Variants in MAPK8 observed in about 807,000 individuals in gnomAD.
The protein encoded by MAPK8 is mitogen-activated protein kinase 8.
In MAPK8, 13 loss-of-function variants were observed where a neutral mutation model predicts 52.9. The observed-to-expected ratio is 0.25, with a 90% CI of 0.16 to 0.39. MAPK8 has a LOEUF of 0.39. Among genes scored for constraint, MAPK8 ranks in the 10% least tolerant of loss-of-function variants. The probability of loss-of-function intolerance (pLI) is 1.00; values close to 1 mark genes in which losing one functional copy is unlikely to be tolerated. For missense variants in MAPK8, 300 were observed against 519.2 expected (o/e 0.58, Z 4.10); for synonymous variants, 191 against 169.8 (o/e 1.12, Z -0.97).
intron 1 of MAPK8, among the ~76,000 whole-genome samples, chr10:48,341,373 T>C (rs1358174577): frequency 3.3e-5 from 5 of 152,204 alleles, no homozygotes; most frequent in Non-Finnish European, 7.4e-5. Context: ...ATCTGAAATC[T>C]GAAATGCTCC....
rs1418351949 is a variant in MAPK8 at position 48,372,774 on chromosome 10, A to G, written c.-49-28838A>G. On this transcript the variant is annotated intron_variant, in intron 1 of 11. Coordinates refer to ENST00000374189, the MANE Select transcript of MAPK8 (RefSeq NM_001323329.2). ...CGTTTGATTGGTGTACCTGAAAGTG[A>G]CCGGGAGAATGGAACCAAGTTGGAA... Among the ~76,000 whole-genome samples, 6 of 152,210 alleles carry G rather than the reference A, an allele frequency of 3.9e-5. No individual in the cohort carries two copies. In the East Asian group the frequency reaches 1.2e-3, roughly 29 times the overall value.
intron 1 of MAPK8, among the ~76,000 whole-genome samples, chr10:48,375,076 G>T (rs879166789): frequency 2.0e-5 from 3 of 152,110 alleles, no homozygotes; most frequent in African/African-American, 7.2e-5. Context: ...ATGCGAGGCT[G>T]GTTCAACATA....
chr10:48,342,501 C>T (rs1845390853), intron 1 of MAPK8, among the ~76,000 whole-genome samples: 1 of 152,104 alleles, frequency 6.6e-6, no homozygotes, highest in African/African-American at 2.4e-5. Flanking sequence ...AATCAGTGAG[C>T]AGATTTTAAA....
chr10:48,397,911 T>C (rs1397560525), intron 1 of MAPK8, among the ~76,000 whole-genome samples: 1 of 152,164 alleles, frequency 6.6e-6, no homozygotes, highest in Non-Finnish European at 1.5e-5. Flanking sequence ...AGTATTCTGA[T>C]TGTAGTGGAG....
At chr10:48,368,288 A>G (rs995681456) in intron 1 of MAPK8, among the ~76,000 whole-genome samples, 1 of 152,214 alleles carries the variant, frequency 6.6e-6, no homozygotes, top group African/African-American at 2.4e-5. Context: ...AGGGTAATAC[A>G]TGTGCTGCCA....
intron 1 of MAPK8, among the ~76,000 whole-genome samples, chr10:48,379,937 T>A (rs1156403686): frequency 1.3e-5 from 1 of 78,476 alleles, no homozygotes; most frequent in South Asian, 3.8e-4. Flanking sequence ...AACAAAGCTC[T>A]TAAAAAAAAA....
intron 1 of MAPK8, among the ~76,000 whole-genome samples, chr10:48,340,424 C>T (rs74667118): frequency 6.6e-6 from 1 of 152,100 alleles, no homozygotes; most frequent in East Asian, 1.9e-4. Context: ...TTGAAAACCT[C>T]CCTCCTGGGT....
chr10:48,377,424 T>G (rs527379071), intron 1 of MAPK8, among the ~76,000 whole-genome samples: 1 of 152,284 alleles, frequency 6.6e-6, no homozygotes, highest in South Asian at 2.1e-4. Context: ...AGATATCCAC[T>G]CCCTCACTGC....
chr10:48,372,759 G>A (rs987618448), intron 1 of MAPK8, among the ~76,000 whole-genome samples: 1 of 152,102 alleles, frequency 6.6e-6, no homozygotes. Flanking sequence ...CGTTTGATTG[G>A]TGTACCTGAA....
At chr10:48,339,891 A>G (rs1224848147) in intron 1 of MAPK8, among the ~76,000 whole-genome samples, 1 of 152,172 alleles carries the variant, frequency 6.6e-6, no homozygotes, top group Non-Finnish European at 1.5e-5. Context: ...ATTAAAAAGT[A>G]ATAAAATAAG....
intron 1 of MAPK8, among the ~76,000 whole-genome samples, chr10:48,312,149 G>A (rs1352051141): frequency 6.6e-6 from 1 of 152,198 alleles, no homozygotes; most frequent in Non-Finnish European, 1.5e-5. Context: ...ACCTGAGAAA[G>A]CAAGATATCT....
chr10:48,402,105 G>T (rs1256111627), intron 2 of MAPK8, among the ~76,000 whole-genome samples: 2 of 152,112 alleles, frequency 1.3e-5, no homozygotes, highest in Non-Finnish European at 2.9e-5. Context: ...CATCATGTCA[G>T]TGCCCCCAAA....
rs144409420 is a variant in MAPK8 at position 48,346,148 on chromosome 10, G to A, written c.-50+39327G>A. ...GTGGGCGGCAAGCCACCCAGGCACC[G>A]AGGCAAGAGACAGGGGACACGAGCT... On this transcript the variant is annotated intron_variant, in intron 1 of 11. Coordinates refer to ENST00000374189, the MANE Select transcript of MAPK8 (RefSeq NM_001323329.2). Among the ~76,000 whole-genome samples the A allele has an allele frequency of 5.5e-3, 838 of 152,240 alleles. 6 individuals carry two copies. Among genetic ancestry groups the A allele is most frequent in the African/African-American group, 0.019 (773 of 41,548 alleles).
Position 48,435,225 on chromosome 10 carries a change from C to A in MAPK8, c.*196C>A. 2.2e-6 allele frequency: 1 copy of A among 456,814 alleles called. No individual in the cohort carries two copies. Among genetic ancestry groups the A allele is most frequent in the African/African-American group, 2.0e-5 (1 of 49,898 alleles). 28.3% of individuals were successfully genotyped at this position (456,814 alleles called of 1,614,324 possible). The stretch of plus-strand genomic sequence containing the variant: ...CCTAAGTTGTGTTTCAAAACAGCAA[C>A]AAAACTGTATTGTATTTTTTTTGCT... On this transcript the variant is annotated 3_prime_UTR_variant, in exon 12 of 12. Transcript: ENST00000374189.
At chr10:48,421,536 C>T (rs528939712) in intron 6 of MAPK8, among the ~76,000 whole-genome samples, 25 of 152,162 alleles carry the variant, frequency 1.6e-4, no homozygotes, top group African/African-American at 4.8e-4. Context: ...TGGGTATGGT[C>T]GCTTACACCT....
chr10:48,401,751 C>A lies in MAPK8; in HGVS notation c.91C>A (p.Pro31Thr). The A allele has an allele frequency of 1.3e-6, 2 of 1,555,604 alleles. No individual in the cohort carries two copies. Among genetic ancestry groups the A allele is most frequent in the Non-Finnish European group, 8.6e-7 (1 of 1,157,502 alleles). Residue 31 changes from proline to threonine, a missense_variant, in exon 2 of 12, where the codon CCT (proline) becomes ACT (threonine). This residue lies in a region of MAPK8 where 34 missense variants were observed against 36.7 expected (regional missense o/e 0.93). Transcript: ENST00000374189. ...TVLKRYQNLK[P>T]IGSGAQGIVC... is the part of the protein sequence containing the mutation. ...CCTGAAACGATATCAGAATTTAAAA[C>A]CTATAGGCTCAGGAGCTCAAGGAAT...
intron 1 of MAPK8, among the ~76,000 whole-genome samples, chr10:48,342,305 T>C (rs1845370317): frequency 6.6e-6 from 1 of 152,146 alleles, no homozygotes. Context: ...GGTCTCACCA[T>C]GTTGCCCAGG....
At chr10:48,325,937 A>G (rs1046135704) in intron 1 of MAPK8, 70 of 152,320 alleles carry the variant, frequency 4.6e-4, no homozygotes, top group African/African-American at 1.6e-3. Flanking sequence ...CACAGAGGTA[A>G]AGCATCATTT....
At chr10:48,315,132 C>G (rs1842369112) in intron 1 of MAPK8, among the ~76,000 whole-genome samples, 1 of 152,176 alleles carries the variant, frequency 6.6e-6, no homozygotes. Flanking sequence ...TCTTCCTTTT[C>G]AGAAGTTTTT....
Sources: allele counts gnomAD v4.1 joint callset (sites outside exome capture counted in the v4.1 genomes callset), GRCh38; gene constraint gnomAD v4.1.1; regional missense constraint gnomAD v4.1.1; transcripts MANE v1.5; gene names NCBI Gene and HGNC (gene_info 2026-07-23, HGNC 2026-07-21).